Variants in NAV3 observed in about 807,000 individuals in gnomAD.
The protein encoded by NAV3 is pore membrane and/or filament interacting like protein 1.
Under a neutral mutation model 244.7 loss-of-function variants are expected in NAV3, and 87 were observed. The ratio of observed to expected loss-of-function variants is 0.36; its 90% CI spans 0.30 to 0.42. The LOEUF (loss-of-function observed/expected upper bound fraction) is 0.42. Ranked by LOEUF, NAV3 falls within the 20% of genes least tolerant of loss-of-function variation. The pLI is 1.00. For synonymous variants in NAV3, 1,126 were observed against 1,042.2 expected (o/e 1.08, Z -1.55); for missense variants, 2,663 against 2,893.3 (o/e 0.92, Z 1.83).
chr12:78,040,031 A>G (rs1175239900), intron 9 of NAV3, among the ~76,000 whole-genome samples: 1 of 152,164 alleles, frequency 6.6e-6, no homozygotes, highest in Non-Finnish European at 1.5e-5. Context: ...GTTGCTAAAC[A>G]TTTAATTTTA....
intron 1 of NAV3, 131 bp from the exon 2 acceptor site, chr12:77,940,188 A>G: frequency 1.5e-6 from 1 of 677,140 alleles, no homozygotes; most frequent in Non-Finnish European, 2.6e-6. Flanking sequence ...TATTTCCTTT[A>G]GAGCTATGAC....
At chr12:77,908,673 G>A (rs753081967) in intron 1 of NAV3, among the ~76,000 whole-genome samples, 1 of 151,922 alleles carries the variant, frequency 6.6e-6, no homozygotes, top group Non-Finnish European at 1.5e-5. Context: ...AACTGGCTTA[G>A]AGATCATTAA....
rs185310706 is a variant in NAV3, at chr12:78,161,195, G to A, written c.4869+1909G>A. On this transcript the variant is annotated intron_variant, in intron 23 of 39. Transcript: ENST00000397909. Reference sequence around the variant, plus strand: ...TCAAATTCACCTTCTTAAAAGTGGGGATGATAATGACTACCTTGTAGGATC... The same window carrying A: ...TCAAATTCACCTTCTTAAAAGTGGGAATGATAATGACTACCTTGTAGGATC... Among the ~76,000 whole-genome samples, 468 of 152,180 alleles carry A rather than the reference G, an allele frequency of 3.1e-3. 4 individuals are homozygous for A. Among genetic ancestry groups the A allele is most frequent in the African/African-American group, 0.01 (432 of 41,532 alleles).
At chr12:77,924,221 C>G (rs1887976458) in intron 1 of NAV3, among the ~76,000 whole-genome samples, 1 of 152,090 alleles carries the variant, frequency 6.6e-6, no homozygotes, top group South Asian at 2.1e-4. Context: ...CATTGTTTTA[C>G]CTGGATATAT....
At chr12:77,935,355 A>T (rs764230541) in intron 1 of NAV3, among the ~76,000 whole-genome samples, 13 of 152,168 alleles carry the variant, frequency 8.5e-5, no homozygotes, top group Non-Finnish European at 1.5e-4. Context: ...TTTCATCCTC[A>T]TATTTATAGT....
At chr12:77,777,082 G>T (rs947025754) in intron 2 of NAV3, among the ~76,000 whole-genome samples, 1 of 152,074 alleles carries the variant, frequency 6.6e-6, no homozygotes, top group East Asian at 1.9e-4. Context: ...AACTAGTCTC[G>T]CTTTATCTGT....
In NAV3 at chr12:77,785,466, A is replaced by G. The variant is rs1870861953; in HGVS notation, c.73-154853A>G. Among the ~76,000 whole-genome samples, 3 of 152,136 alleles carry G rather than the reference A, an allele frequency of 2.0e-5. No individual in the cohort carries two copies. In the South Asian group the frequency reaches 6.2e-4, roughly 32 times the overall value. Reference sequence around the variant, plus strand: ...ACAGATGTCTTCCTAAGAGGCATTAAGGTGAAGAAGTAGGAGGAGGGAGGG... The same window carrying G: ...ACAGATGTCTTCCTAAGAGGCATTAGGGTGAAGAAGTAGGAGGAGGGAGGG... On this transcript the variant is annotated intron_variant, in intron 2 of 8. Coordinates refer to the NAV3 transcript ENST00000550042.
chr12:78,088,346 A>C (rs893657036), intron 12 of NAV3, among the ~76,000 whole-genome samples: 7 of 152,080 alleles, frequency 4.6e-5, no homozygotes, highest in African/African-American at 1.7e-4. Context: ...ATATGTTTCC[A>C]ACAAAGAATT....
chr12:77,954,614 C>T (rs1021963450), intron 3 of NAV3, among the ~76,000 whole-genome samples: 1 of 152,134 alleles, frequency 6.6e-6, no homozygotes, highest in Non-Finnish European at 1.5e-5. Context: ...TGTAAACTTC[C>T]TTCCTGTGCT....
intron 2 of NAV3, among the ~76,000 whole-genome samples, chr12:77,766,735 G>GTTTGTTTTTTTGTTT (rs1555202961): frequency 1.7e-5 from 1 of 60,516 alleles, no homozygotes; most frequent in Non-Finnish European, 3.0e-5. Context: ...AGGCAATTAA[G>GTTTGTTTTTTTGTTT]TTTTTTTTTT....
chr12:78,121,832 A>C (rs1408165740), intron 15 of NAV3, 108 bp from the exon 16 acceptor site: 2 of 1,345,426 alleles, frequency 1.5e-6, no homozygotes, highest in Non-Finnish European at 2.0e-6. Context: ...AGTGCTTTGT[A>C]GTTCAGTACA....
intron 2 of NAV3, among the ~76,000 whole-genome samples, chr12:77,683,605 T>G (rs1442201701): frequency 1.3e-5 from 2 of 152,166 alleles, no homozygotes; most frequent in African/African-American, 2.4e-5. Context: ...TGTAGATCGC[T>G]TTGGGTAATA....
chr12:77,581,513 A>C (rs1447101192), intron 2 of NAV3, among the ~76,000 whole-genome samples: 1 of 152,136 alleles, frequency 6.6e-6, no homozygotes, highest in African/African-American at 2.4e-5. Flanking sequence ...TCTTATGTGT[A>C]TATTTGTATA....
At chr12:77,655,054 C>T (rs1262317988) in intron 2 of NAV3, among the ~76,000 whole-genome samples, 4 of 152,202 alleles carry the variant, frequency 2.6e-5, no homozygotes, top group Admixed American at 2.0e-4. Flanking sequence ...CAGAGCACCT[C>T]TCCTCCTCCA....
At chr12:77,604,667 T>G (rs1178205098) in intron 2 of NAV3, among the ~76,000 whole-genome samples, 1 of 152,038 alleles carries the variant, frequency 6.6e-6, no homozygotes, top group African/African-American at 2.4e-5. Flanking sequence ...GTGATGACTT[T>G]CCTTCCTTTG....
chr12:78,177,087 A>G (rs1191899960), intron 26 of NAV3, 54 bp from the exon 27 acceptor site: 1 of 1,606,116 alleles, frequency 6.2e-7, no homozygotes, highest in Non-Finnish European at 8.5e-7. Flanking sequence ...GCCCCAAAGC[A>G]AAAGCTCTCC....
At chr12:77,825,984 C>A (rs189965970), upstream of NAV3, among the ~76,000 whole-genome samples, 6 of 152,054 alleles carry the variant, frequency 3.9e-5, no homozygotes, top group Non-Finnish European at 7.4e-5. Context: ...CAATGATACA[C>A]CCCTACTCCT....
chr12:78,127,970 G>A lies in NAV3; in HGVS notation c.4281-736G>A, dbSNP rs1033654273. 2.6e-5 allele frequency among the ~76,000 whole-genome samples: 4 copies of A among 152,036 alleles called. No individual in the cohort carries two copies. The South Asian group carries it at 6.2e-4, about 24-fold the overall frequency. ...AGAGATAGAATGATCTACTAATAGA[G>A]GTATAACACTGTATGTGTATGAAAA... On this transcript the variant is annotated intron_variant, in intron 17 of 39. Transcript: ENST00000397909.
intron 39 of NAV3, among the ~76,000 whole-genome samples, chr12:78,207,977 G>A (rs564479238): frequency 1.3e-5 from 2 of 152,276 alleles, no homozygotes; most frequent in South Asian, 2.1e-4. Flanking sequence ...TGTTAGAAAT[G>A]ATAAACATTA....
Sources: allele counts gnomAD v4.1 joint callset (sites outside exome capture counted in the v4.1 genomes callset), GRCh38; gene constraint gnomAD v4.1.1; transcripts MANE v1.5; gene names NCBI Gene and HGNC (gene_info 2026-07-23, HGNC 2026-07-21).